The following XYLT1 variants were observed in gnomAD, a reference collection of about 807,000 sequenced individuals.
XYLT1 encodes xylosyltransferase 1, also known as beta-D-xylosyltransferase 1.
A neutral mutation model predicts 91.3 loss-of-function variants in XYLT1; 36 were observed. That is an observed-to-expected ratio of 0.39 (90% CI 0.30 to 0.52). XYLT1 has a LOEUF of 0.52. Among genes scored for constraint, XYLT1 ranks in the 20% least tolerant of loss-of-function variants. The pLI is 0.68. For missense variants in XYLT1, 1,242 were observed against 1,284.5 expected (o/e 0.97, Z 0.51); for synonymous variants, 588 against 532.0 (o/e 1.11, Z -1.45).
intron 1 of XYLT1, among the ~76,000 whole-genome samples, chr16:17,370,813 G>A (rs2035522775): frequency 6.6e-6 from 1 of 152,174 alleles, no homozygotes; most frequent in Non-Finnish European, 1.5e-5. Context: ...AAAATCAGAA[G>A]ACCTAGCTAC....
Position 17,107,318 on chromosome 16 carries a change from T to C in XYLT1, c.*1377A>G, listed in dbSNP as rs891738951. 6.6e-6 allele frequency: 1 copy of C among 152,042 alleles called. No homozygotes were observed. Among genetic ancestry groups the C allele is most frequent in the Non-Finnish European group, 1.5e-5 (1 of 68,012 alleles). The allele number at this position is 152,042 out of a possible 1,614,324, so 9.4% of individuals were successfully genotyped here. A position where few individuals can be genotyped will look rare whatever the true frequency, so the allele number is the denominator to read the frequency against. Reference sequence around the variant, plus strand: ...ATGGCTACCAGGGGTGAGACCTTTTTCCAAGGGAATCCCATCATTCAGGGG... The same window carrying C: ...ATGGCTACCAGGGGTGAGACCTTTTCCCAAGGGAATCCCATCATTCAGGGG... On this transcript the variant is annotated 3_prime_UTR_variant, in exon 12 of 12. Coordinates refer to ENST00000261381, the MANE Select transcript of XYLT1 (RefSeq NM_022166.4).
Position 17,134,500 on chromosome 16 carries a change from A to G in XYLT1, c.2000T>C (p.Leu667Pro), listed in dbSNP as rs756234158. The G allele has an allele frequency of 6.2e-7, 1 of 1,614,136 alleles. No homozygotes were observed. Among genetic ancestry groups the G allele is most frequent in the Non-Finnish European group, 8.5e-7 (1 of 1,180,028 alleles). Residue 667 changes from leucine to proline, a missense_variant, in exon 9 of 12, where the codon CTG (leucine) becomes CCG (proline). Leu to Pro is a moderately conservative substitution (Grantham distance 98). This residue lies in a region of XYLT1 where 511 missense variants were observed against 497.0 expected (regional missense o/e 1.03). Transcript: ENST00000261381. ...GCAGCTGTTCTCCCCATCCGTGTGC[A>G]GGGACGTCTCGGCCCGTCGAAGACC... ...RLGLRRAETS[L>P]HTDGENSCRY...
chr16:17,241,446 C>T (rs1469768177), intron 3 of XYLT1, among the ~76,000 whole-genome samples: 1 of 152,260 alleles, frequency 6.6e-6, no homozygotes, highest in East Asian at 1.9e-4. Flanking sequence ...TCATGCCTGG[C>T]CCACTGCCGT....
intron 2 of XYLT1, among the ~76,000 whole-genome samples, chr16:17,311,930 G>A (rs865988253): frequency 2.0e-5 from 3 of 152,034 alleles, no homozygotes; most frequent in African/African-American, 2.4e-5. Context: ...AACAATATAG[G>A]GGAAACTGCC....
intron 11 of XYLT1, among the ~76,000 whole-genome samples, 192 bp downstream of exon 11, chr16:17,117,454 A>C (rs2141483812): frequency 6.6e-6 from 1 of 152,314 alleles, no homozygotes; most frequent in Admixed American, 6.5e-5. Context: ...AGATGACATC[A>C]TCTCCGTGTG....
intron 2 of XYLT1, among the ~76,000 whole-genome samples, chr16:17,310,525 T>A (rs888316839): frequency 1.3e-5 from 2 of 152,098 alleles, no homozygotes; most frequent in Non-Finnish European, 2.9e-5. Flanking sequence ...TCAGGGTCAG[T>A]AAACATCTGT....
intron 6 of XYLT1, among the ~76,000 whole-genome samples, chr16:17,147,536 G>A (rs1178161230): frequency 1.3e-5 from 2 of 152,190 alleles, no homozygotes; most frequent in African/African-American, 2.4e-5. Flanking sequence ...ATGGGATTGG[G>A]AGATGGGTTG....
intron 1 of XYLT1, among the ~76,000 whole-genome samples, chr16:17,387,850 C>T (rs772611538): frequency 2.6e-5 from 4 of 152,142 alleles, no homozygotes; most frequent in East Asian, 3.9e-4. Context: ...TTTTTCTCCT[C>T]GTGAAGATTC....
intron 9 of XYLT1, among the ~76,000 whole-genome samples, chr16:17,128,762 G>A (rs575485855): frequency 6.6e-6 from 1 of 152,338 alleles, no homozygotes; most frequent in Non-Finnish European, 1.5e-5. Context: ...CCGGAGAAAA[G>A]GGGGAAGCAG....
intron 2 of XYLT1, among the ~76,000 whole-genome samples, chr16:17,297,407 G>A (rs760428586): frequency 9.2e-5 from 14 of 151,830 alleles, no homozygotes; most frequent in South Asian, 2.1e-4. Context: ...CCCCACCGAC[G>A]GTGTCTCTAG....
At chr16:17,298,243 G>T (rs924838332) in intron 2 of XYLT1, among the ~76,000 whole-genome samples, 1 of 152,136 alleles carries the variant, frequency 6.6e-6, no homozygotes, top group African/African-American at 2.4e-5. Flanking sequence ...GTCACATCTA[G>T]TGGGGGCGAG....
intron 1 of XYLT1, among the ~76,000 whole-genome samples, chr16:17,427,047 T>A (rs1197587129): frequency 6.6e-6 from 1 of 152,132 alleles, no homozygotes; most frequent in Non-Finnish European, 1.5e-5. Context: ...AAATCAGGCA[T>A]CATGGTAGGC....
At chr16:17,346,091 G>A (rs1413381819) in intron 2 of XYLT1, among the ~76,000 whole-genome samples, 2 of 152,142 alleles carry the variant, frequency 1.3e-5, no homozygotes, top group South Asian at 2.1e-4. Context: ...GATTACAGGC[G>A]TGAGCCACCG....
At chr16:17,228,527 T>G (rs1434870376) in intron 3 of XYLT1, among the ~76,000 whole-genome samples, 1 of 151,996 alleles carries the variant, frequency 6.6e-6, no homozygotes, top group African/African-American at 2.4e-5. Context: ...TGAGAATATG[T>G]CCTGTCTCAA....
chr16:17,274,191 C>T (rs1193583287), intron 2 of XYLT1, among the ~76,000 whole-genome samples: 1 of 152,146 alleles, frequency 6.6e-6, no homozygotes, highest in Non-Finnish European at 1.5e-5. Context: ...GGATTACAGG[C>T]ATCATCATTT....
intron 2 of XYLT1, among the ~76,000 whole-genome samples, chr16:17,334,618 T>A (rs1354401900): frequency 6.6e-6 from 1 of 152,012 alleles, no homozygotes; most frequent in East Asian, 1.9e-4. Context: ...ACAAAGTCCC[T>A]CCCCGAGGGG....
intron 2 of XYLT1, among the ~76,000 whole-genome samples, chr16:17,262,039 A>G (rs1019249581): frequency 6.6e-6 from 1 of 152,168 alleles, no homozygotes; most frequent in Non-Finnish European, 1.5e-5. Context: ...AGGCCCTTGA[A>G]GAGTCCCAAG....
At position 17,260,915 on chromosome 16, in the gene XYLT1, C is replaced by T. The variant is rs554789794; in HGVS notation, c.403-1417G>A. 1.9e-4 allele frequency among the ~76,000 whole-genome samples: 29 copies of T among 152,238 alleles called. No homozygotes were observed. In the East Asian group the frequency reaches 1.9e-3, roughly 10 times the overall value. ...TGCTTCTGTCCTCACCATCCATATA[C>T]GACTTAGTGATGGCCTGGAGAAGAA... On this transcript the variant is annotated intron_variant, in intron 2 of 11. Transcript: ENST00000261381.
chr16:17,361,592 C>T lies in XYLT1; in HGVS notation c.364-3542G>A, dbSNP rs115041472. On this transcript the variant is annotated intron_variant, in intron 1 of 11. Transcript: ENST00000261381. ...TCATTTATAGAGGGCCTCCTAGGTGCCAGGCCCTGTGTGCTAGCTCTATTA... is the reference window on the plus strand; with the variant it reads ...TCATTTATAGAGGGCCTCCTAGGTGTCAGGCCCTGTGTGCTAGCTCTATTA... Among the ~76,000 whole-genome samples the T allele has an allele frequency of 3.6e-3, 541 of 152,254 alleles. 5 individuals carry two copies. Among genetic ancestry groups the T allele is most frequent in the African/African-American group, 0.013 (523 of 41,546 alleles).
Sources: gnomAD v4.1 joint callset for allele counts (sites outside exome capture counted in the v4.1 genomes callset) on GRCh38, gnomAD v4.1.1 for gene constraint, gnomAD v4.1.1 regional missense constraint, MANE v1.5 for transcripts, NCBI Gene and HGNC (gene_info 2026-07-23, HGNC 2026-07-21) for gene names.